The following ECE1 variants were observed in gnomAD, a reference collection of about 807,000 sequenced individuals.
ECE1 encodes endothelin converting enzyme 1.
Under a neutral mutation model 98.6 loss-of-function variants are expected in ECE1, and 35 were observed. The observed-to-expected ratio is 0.35, with a 90% CI of 0.27 to 0.47. ECE1 has a LOEUF of 0.47. Ranked by LOEUF, ECE1 falls within the 20% of genes least tolerant of loss-of-function variation. The pLI is 1.00. For synonymous variants in ECE1, 394 were observed against 407.1 expected (o/e 0.97, Z 0.39); for missense variants, 814 against 1,025.3 (o/e 0.79, Z 2.81).
At chr1:21,289,902 G>T (rs1483059047) in intron 2 of ECE1, among the ~76,000 whole-genome samples, 168 bp downstream of exon 2, 1 of 151,544 alleles carries the variant, frequency 6.6e-6, no homozygotes, top group South Asian at 2.1e-4. Context: ...AGGCTTCTCA[G>T]CGCGGAGCTC....
At position 21,238,106 on chromosome 1, in the gene ECE1, A is replaced by G. The variant is rs1033974572; in HGVS notation, c.1389+28T>C. On this transcript the variant is annotated intron_variant, in intron 11 of 18. Coordinates refer to ENST00000374893, the MANE Select transcript of ECE1 (RefSeq NM_001397.3). ...CAGGCCACAACAAGTGTGACCTCAC[A>G]GCCTGTGTCCACGGGGAAGGCACTT... is the stretch of plus-strand genomic sequence containing the variant. 3 of 1,601,022 alleles carry G rather than the reference A, an allele frequency of 1.9e-6. No homozygotes were observed. The African/African-American group carries it at 4.0e-5, about 21-fold the overall frequency.
chr1:21,340,806 TG>T lies in ECE1; in HGVS notation c.3+4569del, dbSNP rs1158228599. On this transcript the variant is annotated intron_variant, in intron 1 of 18. Coordinates refer to the ECE1 transcript ENST00000415912. This position sits in a 1 kb window ranked among gnomAD's most constrained non-coding sequence, Gnocchi z 4.6. ...TGAGATTGCACCACTGCACTCAGCC[TG>T]GGTGACAGAGCAAGACTATGTCTCA... Among the ~76,000 whole-genome samples, 1 of 152,200 alleles carries T rather than the reference TG, an allele frequency of 6.6e-6. No individual in the cohort carries two copies. Among genetic ancestry groups the T allele is most frequent in the Non-Finnish European group, 1.5e-5 (1 of 68,034 alleles).
intron 15 of ECE1, among the ~76,000 whole-genome samples, 170 bp downstream of exon 15, chr1:21,227,761 C>G (rs1434872774): frequency 1.3e-5 from 2 of 152,122 alleles, no homozygotes; most frequent in African/African-American, 4.8e-5. Context: ...CCAGATCTCA[C>G]TGGAGGGAAG....
At chr1:21,287,697 G>T (rs2098262199) in intron 2 of ECE1, among the ~76,000 whole-genome samples, 1 of 152,118 alleles carries the variant, frequency 6.6e-6, no homozygotes, top group African/African-American at 2.4e-5. Flanking sequence ...TTATATGTTG[G>T]TACCATGAGG....
At chr1:21,297,104 G>A (rs1032700029) in intron 1 of ECE1, among the ~76,000 whole-genome samples, 1 of 152,220 alleles carries the variant, frequency 6.6e-6, no homozygotes, top group Non-Finnish European at 1.5e-5. Context: ...CGAGTCCCAG[G>A]GCTGGGCTCC....
intron 2 of ECE1, among the ~76,000 whole-genome samples, chr1:21,281,086 A>C (rs2098253922): frequency 1.3e-5 from 2 of 152,158 alleles, no homozygotes; most frequent in Non-Finnish European, 2.9e-5. Context: ...GCTACTCGGG[A>C]GGCTGAGGCA....
rs1336932629 is a variant in ECE1, at chr1:21,233,591, G to A, written c.1637C>T (p.Ala546Val). The A allele has an allele frequency of 6.2e-7, 1 of 1,613,852 alleles. No individual in the cohort carries two copies. Among genetic ancestry groups the A allele is most frequent in the East Asian group, 2.2e-5 (1 of 44,868 alleles). The stretch of plus-strand genomic sequence containing the variant: ...GTTGGGGGCTTTCCTGAGCTGATCG[G>A]CAGTGACCCTCCATGAGAAGTTGAA... The part of the protein sequence containing the change: ...RFFNFSWRVT[A>V]DQLRKAPNRD... Residue 546 changes from alanine to valine, a missense_variant, in exon 14 of 19, where the codon GCC becomes GTC. Transcript: ENST00000374893. This position sits in a 1 kb window ranked among gnomAD's most constrained non-coding sequence, Gnocchi z 4.0.
Position 21,311,509 on chromosome 1 carries a change from C to CA in ECE1, c.4-21354dup, listed in dbSNP as rs397979522. 6.4e-3 allele frequency among the ~76,000 whole-genome samples: 472 copies of CA among 74,234 alleles called. 3 individuals carry two copies. The highest frequency in any genetic ancestry group is 0.011 in the African/African-American group (208 of 18,302). The allele number at this position is 74,234 out of a possible 152,430, so 48.7% of individuals were successfully genotyped here. ...GGAACATAGTGAGACCCTGTCTCCACAAAAAAAAAAAAAAAAAAAAATTAG... is the reference window on the plus strand; with the variant it reads ...GGAACATAGTGAGACCCTGTCTCCACAAAAAAAAAAAAAAAAAAAAAATTAG... On this transcript the variant is annotated intron_variant, in intron 1 of 18. Coordinates refer to the ECE1 transcript ENST00000415912.
At chr1:21,295,955 C>T (rs1241564860) in intron 1 of ECE1, among the ~76,000 whole-genome samples, 2 of 152,126 alleles carry the variant, frequency 1.3e-5, no homozygotes, top group East Asian at 3.8e-4. Flanking sequence ...CATGAACTGC[C>T]TGGCATCCAG....
At chr1:21,275,288 A>T (rs1486114602) in intron 3 of ECE1, among the ~76,000 whole-genome samples, 1 of 151,866 alleles carries the variant, frequency 6.6e-6, no homozygotes, top group Admixed American at 6.6e-5. Context: ...AAAACAAGAA[A>T]CTAGTCCCAG....
Position 21,290,335 on chromosome 1 carries a change from C to T in ECE1, c.51+29G>A. 2 of 1,226,488 alleles carry T rather than the reference C, an allele frequency of 1.6e-6. No individual in the cohort carries two copies. The highest frequency in any genetic ancestry group is 2.0e-6 in the Non-Finnish European group (2 of 987,662). 76.0% of individuals were successfully genotyped at this position (1,226,488 alleles called of 1,614,324 possible). A position where few individuals can be genotyped will look rare whatever the true frequency, so the allele number is the denominator to read the frequency against. ...GGGAGGGGTCCCGCCCGCCTCCCGC[C>T]CCCGCCCTCCAGGCCGCGCCCGCCT... On this transcript the variant is annotated intron_variant, in intron 1 of 18. Coordinates refer to ENST00000374893, the MANE Select transcript of ECE1 (RefSeq NM_001397.3). This position sits in a 1 kb window ranked among gnomAD's most constrained non-coding sequence, Gnocchi z 7.3.
rs1330097394 is a variant in ECE1, at chr1:21,321,677, G to A, written c.3+23699C>T. Among the ~76,000 whole-genome samples the A allele has an allele frequency of 5.3e-5, 8 of 152,252 alleles. No individual in the cohort carries two copies. The East Asian group carries it at 5.8e-4, about 11-fold the overall frequency. On this transcript the variant is annotated intron_variant, in intron 1 of 18. Transcript: ENST00000415912. ...GTTGCCCAGGCTGGAGTGTAATGGC[G>A]CAATCTCGGCTCACTGCAACCTCTG...
rs576185389 is a variant in ECE1 at position 21,235,621 on chromosome 1, G to T, written c.1566+229C>A. ...TCTGTACTGACTGGTGGGCACTGCT[G>T]ATGGATGGTGGCTATGGGGAGGCAG... On this transcript the variant is annotated intron_variant, in intron 13 of 18. Transcript: ENST00000374893. The surrounding 1 kb of genome is among the most constrained non-coding windows in gnomAD (Gnocchi z 4.2). Among the ~76,000 whole-genome samples, 9 of 152,348 alleles carry T rather than the reference G, an allele frequency of 5.9e-5. No homozygotes were observed. Among genetic ancestry groups the T allele is most frequent in the Admixed American group, 5.2e-4 (8 of 15,306 alleles).
chr1:21,333,045 C>T (rs1328787371), intron 1 of ECE1, among the ~76,000 whole-genome samples: 3 of 152,176 alleles, frequency 2.0e-5, no homozygotes, highest in Non-Finnish European at 4.4e-5. Context: ...ATCCTCACTT[C>T]ACAGATGGGA....
intron 3 of ECE1, among the ~76,000 whole-genome samples, chr1:21,276,936 C>A (rs543107395): frequency 6.6e-6 from 1 of 152,036 alleles, no homozygotes; most frequent in Non-Finnish European, 1.5e-5. Flanking sequence ...AGGCTGGTCT[C>A]GAACATCTTG....
chr1:21,335,836 A>AC (rs1367085145), intron 1 of ECE1, among the ~76,000 whole-genome samples: 2 of 152,152 alleles, frequency 1.3e-5, no homozygotes, highest in African/African-American at 4.8e-5. Flanking sequence ...GCTTCGACCC[A>AC]CCCAGTGCTT....
chr1:21,264,566 C>T (rs886068884), intron 4 of ECE1, among the ~76,000 whole-genome samples: 3 of 152,176 alleles, frequency 2.0e-5, no homozygotes, highest in Admixed American at 1.3e-4. Flanking sequence ...CTGCCTGTCT[C>T]GGCCTCCCAA....
intron 8 of ECE1, 113 bp downstream of exon 8, chr1:21,255,834 T>C: frequency 1.7e-6 from 2 of 1,199,252 alleles, no homozygotes; most frequent in South Asian, 2.6e-5. Context: ...CATCCTTCCT[T>C]TGTCACATAG....
chr1:21,236,222 T>C (rs938830469), intron 12 of ECE1, among the ~76,000 whole-genome samples: 1 of 152,252 alleles, frequency 6.6e-6, no homozygotes, highest in African/African-American at 2.4e-5. Flanking sequence ...CTGCACCTTT[T>C]CCCCGTACAC....
Sources: gnomAD v4.1 joint callset for allele counts (sites outside exome capture counted in the v4.1 genomes callset) on GRCh38, gnomAD v4.1.1 for gene constraint, Gnocchi (gnomAD v3.1) non-coding constraint, MANE v1.5 for transcripts, NCBI Gene and HGNC (gene_info 2026-07-23, HGNC 2026-07-21) for gene names.